Variants in RGS7 observed in about 807,000 individuals in gnomAD.
RGS7 encodes the protein regulator of G protein signaling 7.
RGS7 carries 27 observed loss-of-function variants against 81.1 expected under a neutral mutation model. That is an observed-to-expected ratio of 0.33 (90% CI 0.25 to 0.46). The LOEUF is 0.46. Ranked by LOEUF, RGS7 falls within the 20% of genes least tolerant of loss-of-function variation. The pLI, the probability that RGS7 is intolerant of heterozygous loss-of-function variation, is 1.00. For synonymous variants in RGS7, 208 were observed against 207.7 expected (o/e 1.00, Z -0.01); for missense variants, 396 against 607.4 (o/e 0.65, Z 3.66).
intron 2 of RGS7, among the ~76,000 whole-genome samples, chr1:241,117,131 T>C (rs1011613204): frequency 2.0e-5 from 3 of 152,202 alleles, no homozygotes; most frequent in African/African-American, 7.2e-5. Context: ...ATGTCAGCTT[T>C]CTTTTCAAAT....
At chr1:241,244,374 C>T (rs1377577392) in intron 2 of RGS7, among the ~76,000 whole-genome samples, 4 of 152,074 alleles carry the variant, frequency 2.6e-5, no homozygotes, top group African/African-American at 7.2e-5. Flanking sequence ...TCACCACTGG[C>T]CATCAGAGAA....
chr1:241,017,726 T>A (rs2059335171), intron 3 of RGS7, among the ~76,000 whole-genome samples: 1 of 152,162 alleles, frequency 6.6e-6, no homozygotes, highest in South Asian at 2.1e-4. Flanking sequence ...CCCCCTCTGG[T>A]TTTCTGCAAG....
intron 2 of RGS7, among the ~76,000 whole-genome samples, chr1:241,263,899 A>G (rs944968659): frequency 6.6e-6 from 1 of 152,192 alleles, no homozygotes; most frequent in African/African-American, 2.4e-5. Context: ...AGCAGGAACT[A>G]CTCAGAAGTC....
intron 5 of RGS7, among the ~76,000 whole-genome samples, chr1:240,934,226 C>A (rs1307309177): frequency 1.3e-5 from 2 of 152,214 alleles, no homozygotes; most frequent in Non-Finnish European, 2.9e-5. Context: ...TCTCAAAGTG[C>A]TGGGATCACA....
At chr1:241,346,873 T>C (rs1421975399) in intron 2 of RGS7, among the ~76,000 whole-genome samples, 3 of 152,164 alleles carry the variant, frequency 2.0e-5, no homozygotes, top group Non-Finnish European at 2.9e-5. Flanking sequence ...ACAAATGACA[T>C]TGATTTCCAG....
intron 2 of RGS7, among the ~76,000 whole-genome samples, chr1:241,295,831 CA>C: frequency 6.6e-6 from 1 of 152,228 alleles, no homozygotes; most frequent in South Asian, 2.1e-4. Flanking sequence ...GTCTCAGTGA[CA>C]AAAGAGAGGA....
At chr1:241,105,404 T>C (rs2065032350) in intron 2 of RGS7, among the ~76,000 whole-genome samples, 2 of 152,220 alleles carry the variant, frequency 1.3e-5, no homozygotes, top group Admixed American at 1.3e-4. Flanking sequence ...ATAGTTTAGA[T>C]GTCACTTCAA....
At chr1:241,016,322 A>G (rs900435224) in intron 3 of RGS7, among the ~76,000 whole-genome samples, 3 of 152,192 alleles carry the variant, frequency 2.0e-5, no homozygotes, top group Non-Finnish European at 4.4e-5. Context: ...GAACAAGACC[A>G]TCCTGGCCAA....
intron 2 of RGS7, among the ~76,000 whole-genome samples, chr1:241,309,127 C>T (rs950446588): frequency 6.6e-6 from 1 of 152,064 alleles, no homozygotes; most frequent in African/African-American, 2.4e-5. Flanking sequence ...TGGCTCACAC[C>T]TGTAATCCCA....
chr1:240,889,113 C>T (rs939207114), intron 6 of RGS7, among the ~76,000 whole-genome samples: 1 of 152,066 alleles, frequency 6.6e-6, no homozygotes, highest in Non-Finnish European at 1.5e-5. Flanking sequence ...CCCGCCACCA[C>T]GCCCGGGTAA....
chr1:241,088,040 A>G (rs2063580622), intron 3 of RGS7, among the ~76,000 whole-genome samples: 3 of 90,920 alleles, frequency 3.3e-5, no homozygotes, highest in South Asian at 5.4e-4. Flanking sequence ...ATATATATAC[A>G]CACATATATA....
chr1:240,827,223 TGACCAG>T, intron 9 of RGS7, 51 bp from the exon 10 acceptor site: 1 of 1,412,788 alleles, frequency 7.1e-7, no homozygotes, highest in Non-Finnish European at 1.0e-6. Context: ...GTGAAATTTC[TGACCAG>T]GACAATCATG....
intron 6 of RGS7, among the ~76,000 whole-genome samples, chr1:240,901,568 T>A (rs1670020302): frequency 6.6e-6 from 1 of 152,216 alleles, no homozygotes; most frequent in African/African-American, 2.4e-5. Flanking sequence ...ATTCCTGACA[T>A]CATACTTACG....
At position 241,271,647 on chromosome 1, in the gene RGS7, AT is replaced by A. The variant is rs2077901325; in HGVS notation, c.78+84051del. Among the ~76,000 whole-genome samples, 6 of 152,196 alleles carry A rather than the reference AT, an allele frequency of 3.9e-5. No homozygotes were observed. In the South Asian group the frequency reaches 1.0e-3, roughly 26 times the overall value. ...GCCCATCCCACTGTGGGTGTGGCTTATCCAACCTGTTGAGGGCCTGAACAGA... is the reference window on the plus strand; with the variant it reads ...GCCCATCCCACTGTGGGTGTGGCTTACCAACCTGTTGAGGGCCTGAACAGA... On this transcript the variant is annotated intron_variant, in intron 2 of 18. Transcript: ENST00000440928. This position sits in a 1 kb window ranked among gnomAD's most constrained non-coding sequence, Gnocchi z 4.6.
intron 2 of RGS7, among the ~76,000 whole-genome samples, chr1:241,177,663 G>T (rs2071261093): frequency 6.6e-6 from 1 of 152,142 alleles, no homozygotes. Context: ...AGGTGAAAAA[G>T]CCTGGTGGTT....
chr1:241,021,038 G>A (rs936161601), intron 3 of RGS7, among the ~76,000 whole-genome samples: 2 of 152,152 alleles, frequency 1.3e-5, no homozygotes, highest in Non-Finnish European at 2.9e-5. Context: ...AAAGACTCAC[G>A]ACATTGGTAG....
intron 2 of RGS7, among the ~76,000 whole-genome samples, chr1:241,142,992 A>G (rs183477059): frequency 2.6e-5 from 4 of 152,280 alleles, no homozygotes; most frequent in East Asian, 1.9e-4. Flanking sequence ...AAGTTCCACA[A>G]ATATCTCAGG....
chr1:240,962,079 T>C (rs1681545361), intron 4 of RGS7, among the ~76,000 whole-genome samples: 1 of 152,134 alleles, frequency 6.6e-6, no homozygotes, highest in Non-Finnish European at 1.5e-5. Flanking sequence ...CACACGTATG[T>C]TCCTTACTTT....
intron 2 of RGS7, among the ~76,000 whole-genome samples, chr1:241,335,873 T>A (rs11803946): frequency 0.26 from 40,087 of 151,884 alleles, 6,777 homozygotes; most frequent in African/African-American, 0.48. Flanking sequence ...AGGGAGATAT[T>A]AAAAACTGTC....
Sources: gnomAD v4.1 joint callset for allele counts (sites outside exome capture counted in the v4.1 genomes callset) on GRCh38, gnomAD v4.1.1 for gene constraint, Gnocchi (gnomAD v3.1) non-coding constraint, MANE v1.5 for transcripts, NCBI Gene and HGNC (gene_info 2026-07-23, HGNC 2026-07-21) for gene names.